NRG3: variants seen among roughly 807,000 people sequenced by gnomAD.
The protein encoded by NRG3 is pro-neuregulin-3, membrane-bound isoform.
NRG3 carries 31 observed loss-of-function variants against 66.9 expected under a neutral mutation model. The observed-to-expected ratio is 0.46, with a 90% CI of 0.35 to 0.63. The LOEUF is 0.63. NRG3 is among the 20% of genes least tolerant of loss of function. The probability of loss-of-function intolerance (pLI) is 0.00; values close to 1 mark genes in which losing one functional copy is unlikely to be tolerated. For missense variants in NRG3, 910 were observed against 878.9 expected (o/e 1.04, Z -0.45); for synonymous variants, 393 against 359.4 (o/e 1.09, Z -1.06).
At chr10:82,266,504 A>G (rs767660647) in intron 1 of NRG3, among the ~76,000 whole-genome samples, 2 of 152,308 alleles carry the variant, frequency 1.3e-5, no homozygotes, top group Non-Finnish European at 2.9e-5. Context: ...GAGATTCTCA[A>G]CAGTAATCAG....
At chr10:82,551,255 A>G (rs1374473417) in intron 2 of NRG3, among the ~76,000 whole-genome samples, 1 of 152,228 alleles carries the variant, frequency 6.6e-6, no homozygotes, top group East Asian at 1.9e-4. Flanking sequence ...CTTTTGGTAT[A>G]GAAACAAGAA....
rs2053945255 is a variant in NRG3, at chr10:82,679,334, T to C, written c.954-59243T>C. On this transcript the variant is annotated intron_variant, in intron 2 of 8. Transcript: ENST00000372141. The stretch of plus-strand genomic sequence containing the variant: ...CGTTCAATGCTCAGCTAAGTAATTG[T>C]TTAAATTCCATACAAAAAACAAGTA... Among the ~76,000 whole-genome samples, 8 of 152,236 alleles carry C rather than the reference T, an allele frequency of 5.3e-5. No homozygotes were observed. The South Asian group carries it at 1.7e-3, about 31-fold the overall frequency.
At chr10:82,935,465 C>T (rs979392351) in intron 4 of NRG3, among the ~76,000 whole-genome samples, 1 of 152,056 alleles carries the variant, frequency 6.6e-6, no homozygotes, top group African/African-American at 2.4e-5. Context: ...TATGACTTTA[C>T]CATATGACAG....
intron 4 of NRG3, among the ~76,000 whole-genome samples, chr10:82,936,685 A>C (rs888295589): frequency 6.6e-6 from 1 of 152,214 alleles, no homozygotes; most frequent in South Asian, 2.1e-4. Flanking sequence ...TCCACAATGT[A>C]TATATACTTC....
At position 82,062,418 on chromosome 10, in the gene NRG3, C is replaced by G. The variant is rs141842160; in HGVS notation, c.823+186255C>G. Reference sequence around the variant, plus strand: ...GTTAGGAGTTTGAGAGCAGCCTGGCCAACATGGTGAAACCCCATCTCTACT... The same window carrying G: ...GTTAGGAGTTTGAGAGCAGCCTGGCGAACATGGTGAAACCCCATCTCTACT... On this transcript the variant is annotated intron_variant, in intron 1 of 8. Transcript: ENST00000372141. Among the ~76,000 whole-genome samples the G allele has an allele frequency of 6.2e-3, 945 of 152,066 alleles. 6 individuals carry two copies. The highest frequency in any genetic ancestry group is 0.021 in the African/African-American group (885 of 41,506).
intron 1 of NRG3, among the ~76,000 whole-genome samples, chr10:81,899,604 T>A (rs1350063798): frequency 6.6e-6 from 1 of 151,698 alleles, no homozygotes; most frequent in Non-Finnish European, 1.5e-5. Context: ...TCCTGGAGAG[T>A]GTGTGTGTTC....
intron 3 of NRG3, among the ~76,000 whole-genome samples, chr10:82,796,924 G>A (rs2060824777): frequency 6.6e-6 from 1 of 151,898 alleles, no homozygotes; most frequent in African/African-American, 2.4e-5. Context: ...CATAAAGCTA[G>A]TCCCAAAACA....
intron 1 of NRG3, among the ~76,000 whole-genome samples, chr10:82,080,404 A>G (rs1163728989): frequency 6.6e-6 from 1 of 152,104 alleles, no homozygotes; most frequent in Non-Finnish European, 1.5e-5. Context: ...ATGAATCTAT[A>G]TTATTATAGA....
chr10:82,819,929 A>C (rs2061874047), intron 3 of NRG3, among the ~76,000 whole-genome samples: 1 of 152,202 alleles, frequency 6.6e-6, no homozygotes, highest in Admixed American at 6.5e-5. Context: ...CAGAACTTGC[A>C]GTAGGCAGCA....
intron 1 of NRG3, among the ~76,000 whole-genome samples, chr10:82,089,150 T>G (rs1476940643): frequency 5.3e-5 from 8 of 152,126 alleles, no homozygotes; most frequent in Admixed American, 5.2e-4. Flanking sequence ...TAGTGAGCAA[T>G]GGGCAAATAA....
At chr10:82,066,684 G>A (rs1256543387) in intron 1 of NRG3, among the ~76,000 whole-genome samples, 2 of 152,128 alleles carry the variant, frequency 1.3e-5, no homozygotes, top group African/African-American at 2.4e-5. Flanking sequence ...AAGACCTGAA[G>A]GAAGTCAATG....
intron 1 of NRG3, among the ~76,000 whole-genome samples, chr10:81,968,402 G>C (rs1417953430): frequency 6.6e-6 from 1 of 152,184 alleles, no homozygotes; most frequent in Non-Finnish European, 1.5e-5. Flanking sequence ...GGTCCACTTA[G>C]GGGTGTATTA....
At chr10:82,004,544 A>G (rs541792702) in intron 1 of NRG3, among the ~76,000 whole-genome samples, 8 of 152,324 alleles carry the variant, frequency 5.3e-5, no homozygotes, top group African/African-American at 1.9e-4. Context: ...TATGTGCGGC[A>G]GTGCTGATGT....
chr10:81,989,122 CA>C (rs1261662816), intron 1 of NRG3, among the ~76,000 whole-genome samples: 1 of 152,098 alleles, frequency 6.6e-6, no homozygotes, highest in African/African-American at 2.4e-5. Flanking sequence ...ATGGACTAAT[CA>C]AAGACAACCC....
intron 3 of NRG3, among the ~76,000 whole-genome samples, chr10:82,815,151 T>A (rs6584963): frequency 0.19 from 28,172 of 152,164 alleles, 3,290 homozygotes; most frequent in African/African-American, 0.32. Flanking sequence ...TCCTAGGAAA[T>A]AATTTTTTAA....
intron 1 of NRG3, among the ~76,000 whole-genome samples, chr10:82,277,830 C>A (rs2078929921): frequency 6.6e-6 from 1 of 152,008 alleles, no homozygotes; most frequent in African/African-American, 2.4e-5. Context: ...TTTTTTTCTT[C>A]ACCAGAATTC....
chr10:82,483,058 A>G (rs1842412050), intron 2 of NRG3, among the ~76,000 whole-genome samples: 1 of 152,180 alleles, frequency 6.6e-6, no homozygotes, highest in Non-Finnish European at 1.5e-5. Flanking sequence ...CCAACATTCA[A>G]AGTTTCTGTC....
At chr10:82,593,844 G>A (rs2047120149) in intron 2 of NRG3, among the ~76,000 whole-genome samples, 1 of 151,410 alleles carries the variant, frequency 6.6e-6, no homozygotes, top group South Asian at 2.1e-4. Context: ...TAATATATAT[G>A]TGTATATATA....
At chr10:82,782,384 C>A (rs928838900) in intron 3 of NRG3, among the ~76,000 whole-genome samples, 7 of 152,236 alleles carry the variant, frequency 4.6e-5, no homozygotes, top group African/African-American at 1.7e-4. Flanking sequence ...AGGGCCTCAC[C>A]AGATGCAGGT....
Sources: gnomAD v4.1 joint callset for allele counts (sites outside exome capture counted in the v4.1 genomes callset) on GRCh38, gnomAD v4.1.1 for gene constraint, MANE v1.5 for transcripts, NCBI Gene and HGNC (gene_info 2026-07-23, HGNC 2026-07-21) for gene names.